Variants in TSPAN18 observed in about 807,000 individuals in gnomAD.
TSPAN18 encodes tetraspanin-18.
TSPAN18 carries 14 observed loss-of-function variants against 27.3 expected under a neutral mutation model. The observed-to-expected ratio is 0.51, with a 90% CI of 0.34 to 0.80. The LOEUF is 0.80. Among genes scored for constraint, TSPAN18 ranks in the 30% least tolerant of loss-of-function variants. TSPAN18 has a pLI of 0.01. For missense variants in TSPAN18, 268 were observed against 323.9 expected, an observed-to-expected ratio of 0.83 and a Z score of 1.32; for synonymous variants, 143 against 136.5, an observed-to-expected ratio of 1.05 and a Z score of -0.33.
At chr11:44,802,535 G>A (rs1856504186) in intron 2 of TSPAN18, among the ~76,000 whole-genome samples, 2 of 151,946 alleles carry the variant, frequency 1.3e-5, no homozygotes, top group Non-Finnish European at 2.9e-5. Context: ...AGAGACCAGA[G>A]AAGATAGAAG....
chr11:44,815,428 G>A (rs1856800332), intron 2 of TSPAN18, among the ~76,000 whole-genome samples: 1 of 152,218 alleles, frequency 6.6e-6, no homozygotes, highest in South Asian at 2.1e-4. Flanking sequence ...TGGACTGTGG[G>A]CCGGATGGGG....
intron 1 of TSPAN18, among the ~76,000 whole-genome samples, chr11:44,756,386 C>CG (rs1346609025): frequency 1.8e-3 from 272 of 152,010 alleles, no homozygotes; most frequent in African/African-American, 6.2e-3. Context: ...TTTTTTTCCC[C>CG]ATTTTTTTTT....
chr11:44,890,583 C>T (rs1475595839), intron 3 of TSPAN18, among the ~76,000 whole-genome samples: 1 of 151,824 alleles, frequency 6.6e-6, no homozygotes, highest in Non-Finnish European at 1.5e-5. Context: ...ATTAGCTGGG[C>T]GTGGTGGCGG....
chr11:44,730,444 G>T lies in TSPAN18; in HGVS notation c.-240+3157G>T, dbSNP rs569346907. 4.0e-3 allele frequency among the ~76,000 whole-genome samples: 603 copies of T among 152,158 alleles called. 7 individuals carry two copies. Among genetic ancestry groups the T allele is most frequent in the Non-Finnish European group, 6.2e-3 (420 of 67,996 alleles). ...GCTCAGCTGGGGTGCAGCACAGGGA[G>T]GGGGCCTTGGAAACCAGCACTCTGG... On this transcript the variant is annotated intron_variant, in intron 1 of 9. Transcript: ENST00000520358.
chr11:44,927,741 G>A (rs747650284), intron 9 of TSPAN18, among the ~76,000 whole-genome samples: 4 of 152,150 alleles, frequency 2.6e-5, no homozygotes, highest in Admixed American at 6.5e-5. Context: ...TCTCAGGGAC[G>A]TGTCCCATGA....
chr11:44,733,395 C>T (rs1854711726), intron 1 of TSPAN18, among the ~76,000 whole-genome samples: 1 of 152,202 alleles, frequency 6.6e-6, no homozygotes. Flanking sequence ...GTGCCTATAA[C>T]ATACCAGAGG....
At chr11:44,836,286 A>G (rs780892468) in intron 2 of TSPAN18, among the ~76,000 whole-genome samples, 2 of 152,166 alleles carry the variant, frequency 1.3e-5, no homozygotes, top group African/African-American at 2.4e-5. Flanking sequence ...TGATATGGAG[A>G]AAGTTTTAGT....
chr11:44,819,545 C>T (rs148897191), intron 2 of TSPAN18, among the ~76,000 whole-genome samples: 1 of 152,158 alleles, frequency 6.6e-6, no homozygotes, highest in Non-Finnish European at 1.5e-5. Context: ...CTGGCAGCCT[C>T]GTTGAAGTCA....
intron 1 of TSPAN18, among the ~76,000 whole-genome samples, chr11:44,754,582 C>A (rs566149336): frequency 4.1e-4 from 63 of 152,276 alleles, no homozygotes; most frequent in African/African-American, 1.5e-3. Context: ...CTCAAACAGC[C>A]CAATGACCCA....
chr11:44,758,489 G>A (rs1335915196), intron 1 of TSPAN18, among the ~76,000 whole-genome samples: 1 of 152,180 alleles, frequency 6.6e-6, no homozygotes, highest in African/African-American at 2.4e-5. Flanking sequence ...GTGCTCATAA[G>A]GGATATTGGT....
intron 2 of TSPAN18, among the ~76,000 whole-genome samples, chr11:44,779,143 G>A (rs150873079): frequency 6.6e-6 from 1 of 152,108 alleles, no homozygotes; most frequent in East Asian, 1.9e-4. Context: ...TTTTGGCAAG[G>A]GAGAGGCCTC....
At chr11:44,880,981 C>T (rs527410374) in intron 3 of TSPAN18, among the ~76,000 whole-genome samples, 10 of 152,326 alleles carry the variant, frequency 6.6e-5, no homozygotes, top group African/African-American at 2.4e-4. Context: ...CTGTAGCAGG[C>T]GTGGGACTCC....
chr11:44,892,892 A>G (rs1447425901), intron 3 of TSPAN18, among the ~76,000 whole-genome samples: 1 of 152,246 alleles, frequency 6.6e-6, no homozygotes, highest in East Asian at 1.9e-4. Flanking sequence ...GTCTGATGAC[A>G]TAAAGTGTAT....
chr11:44,841,063 G>C (rs1299565992), intron 2 of TSPAN18, among the ~76,000 whole-genome samples: 1 of 152,212 alleles, frequency 6.6e-6, no homozygotes, highest in Non-Finnish European at 1.5e-5. Flanking sequence ...GAGCCCTGGA[G>C]TATTGCCTGG....
intron 2 of TSPAN18, among the ~76,000 whole-genome samples, chr11:44,773,035 G>A (rs1565142501): frequency 6.6e-6 from 1 of 152,200 alleles, no homozygotes; most frequent in Non-Finnish European, 1.5e-5. Context: ...ATAAGTAGGT[G>A]CTCTCTGAAT....
Position 44,843,464 on chromosome 11 carries a change from G to A in TSPAN18, c.-152-16864G>A, listed in dbSNP as rs148918078. Among the ~76,000 whole-genome samples, 347 of 152,310 alleles carry A rather than the reference G, an allele frequency of 2.3e-3. 1 individual carries two copies. Among genetic ancestry groups the A allele is most frequent in the Middle Eastern group, 3.4e-3 (1 of 294 alleles). On this transcript the variant is annotated intron_variant, in intron 2 of 9. Coordinates refer to ENST00000520358, the MANE Select transcript of TSPAN18 (RefSeq NM_130783.5). ...GGCGAGATCACAAGACCACAGGAATGAGGCGAAATTAAAATTGCTAATGAA... is the reference window on the plus strand; with the variant it reads ...GGCGAGATCACAAGACCACAGGAATAAGGCGAAATTAAAATTGCTAATGAA...
intron 1 of TSPAN18, among the ~76,000 whole-genome samples, chr11:44,737,142 C>T (rs1022440967): frequency 6.6e-6 from 1 of 152,230 alleles, no homozygotes; most frequent in East Asian, 1.9e-4. Flanking sequence ...TGTACCAAGG[C>T]CTCTGCCCCT....
chr11:44,739,283 C>T (rs1294814794), intron 1 of TSPAN18, among the ~76,000 whole-genome samples: 1 of 152,132 alleles, frequency 6.6e-6, no homozygotes, highest in African/African-American at 2.4e-5. Context: ...TCCCTCCCTC[C>T]GTATCTTTTT....
chr11:44,829,198 T>C (rs1000953978), intron 2 of TSPAN18, among the ~76,000 whole-genome samples: 1 of 152,166 alleles, frequency 6.6e-6, no homozygotes, highest in Admixed American at 6.5e-5. Context: ...TTAACTAAAG[T>C]TCATAGTTTC....
Sources: gnomAD v4.1 joint callset for allele counts (sites outside exome capture counted in the v4.1 genomes callset) on GRCh38, gnomAD v4.1.1 for gene constraint, MANE v1.5 for transcripts, NCBI Gene and HGNC (gene_info 2026-07-23, HGNC 2026-07-21) for gene names.